NLRC4: variants seen among roughly 807,000 people sequenced by gnomAD.
The protein encoded by NLRC4 is NLR family CARD domain-containing protein 4.
NLRC4 carries 63 observed loss-of-function variants against 79.9 expected under a neutral mutation model. That is an observed-to-expected ratio of 0.79 (90% CI 0.64 to 0.97). The LOEUF is 0.97. Ranked by LOEUF, NLRC4 falls within the 50% of genes least tolerant of loss-of-function variation. The probability of loss-of-function intolerance (pLI) is 0.00; values close to 1 mark genes in which losing one functional copy is unlikely to be tolerated. For synonymous variants in NLRC4, 461 were observed against 456.5 expected (o/e 1.01, Z -0.12); for missense variants, 1,074 against 1,215.2 (o/e 0.88, Z 1.73).
At chr2:32,263,483 A>G (rs774221245) in intron 1 of NLRC4, among the ~76,000 whole-genome samples, 2 of 152,214 alleles carry the variant, frequency 1.3e-5, no homozygotes, top group Non-Finnish European at 2.9e-5. Flanking sequence ...ACATGTTAAT[A>G]TTAGTGTTAT....
Position 32,250,222 on chromosome 2 carries a change from C to T in NLRC4, c.1642G>A (p.Ala548Thr). The T allele has an allele frequency of 6.2e-7, 1 of 1,614,144 alleles. No homozygotes were observed. The highest frequency in any genetic ancestry group is 8.5e-7 in the Non-Finnish European group (1 of 1,180,036). The change falls in exon 4 of 9, where the codon GCC (alanine) becomes ACC (threonine). Residue 548 changes from alanine (A) to threonine (T), a missense_variant. Physicochemically the swap from Ala to Thr is moderately conservative, Grantham distance 58. Transcript: ENST00000402280. This position sits in a 1 kb window ranked among gnomAD's most constrained non-coding sequence, Gnocchi z 4.9. ...KNTTEQEILKAININSFVECG... is the reference protein window; with the variant it reads ...KNTTEQEILKTININSFVECG... ...TCTACAAAGGAATTGATGTTTATGG[C>T]TTTCAGAATTTCTTGCTCAGTGGTG...
At chr2:32,225,001 G>A (rs370249564) in intron 8 of NLRC4, among the ~76,000 whole-genome samples, 32 of 152,188 alleles carry the variant, frequency 2.1e-4, no homozygotes, top group East Asian at 1.4e-3. Context: ...ATAGTGATTC[G>A]TAGTGAGGTA....
rs774262869 is a variant in NLRC4, at chr2:32,250,464, A to G, written c.1400T>C (p.Val467Ala). ...CTGCAAGTAACCATTCCCCTTGGTC[A>G]CCTCCTCTGGCTCATGAGACGTCAA... ...SLLTSHEPEE[V>A]TKGNGYLQKM... Residue 467 changes from valine (V) to alanine (A), a missense_variant, in exon 4 of 9, where the codon GTG (valine) becomes GCG (alanine). Coordinates refer to ENST00000402280, the MANE Select transcript of NLRC4 (RefSeq NM_001199138.2). This position sits in a 1 kb window ranked among gnomAD's most constrained non-coding sequence, Gnocchi z 4.9. 5.6e-6 allele frequency: 9 copies of G among 1,613,914 alleles called. No homozygotes were observed. The highest frequency in any genetic ancestry group is 6.8e-6 in the Non-Finnish European group (8 of 1,180,002).
intron 4 of NLRC4, among the ~76,000 whole-genome samples, chr2:32,248,611 G>A (rs1686993515): frequency 6.6e-6 from 1 of 152,086 alleles, no homozygotes. Context: ...CTTGATCCCA[G>A]GAGTTCAAGA....
Position 32,250,757 on chromosome 2 carries a change from CAGAT to C in NLRC4, c.1103_1106del (p.Asp368GlyfsTer2). 1 of 1,614,190 alleles carries C rather than the reference CAGAT, an allele frequency of 6.2e-7. No individual in the cohort carries two copies. Among genetic ancestry groups the C allele is most frequent in the Non-Finnish European group, 8.5e-7 (1 of 1,180,022 alleles). On this transcript the variant is annotated frameshift_variant, in exon 4 of 9. Transcript: ENST00000402280. LOFTEE classifies it high-confidence loss of function. The surrounding 1 kb of genome is among the most constrained non-coding windows in gnomAD (Gnocchi z 4.9). Reference sequence around the variant, plus strand: ...GTTTGTGTTTGTTTTTCTGTATCAACAGATCATAGAAGGTATGGAACAGCGTTGT... The same window carrying C: ...GTTTGTGTTTGTTTTTCTGTATCAACCATAGAAGGTATGGAACAGCGTTGT...
At chr2:32,257,915 G>C (rs1210895247) in intron 1 of NLRC4, among the ~76,000 whole-genome samples, 1 of 152,110 alleles carries the variant, frequency 6.6e-6, no homozygotes, top group African/African-American at 2.4e-5. Context: ...GTGTGTTACA[G>C]GGTGCTCTTT....
intron 4 of NLRC4, among the ~76,000 whole-genome samples, 165 bp from the exon 5 acceptor site, chr2:32,241,290 G>A (rs544274499): frequency 4.6e-5 from 7 of 151,210 alleles, no homozygotes; most frequent in Non-Finnish European, 1.0e-4. Context: ...TAAGAGATGG[G>A]CATTATACTT....
Position 32,250,154 on chromosome 2 carries a change from G to A in NLRC4, c.1710C>T (p.Ala570=). ...HLYQESTSKS[A]LSQEFEAFFQ... is the part of the protein sequence containing the mutation. The stretch of plus-strand genomic sequence containing the variant: ...AGAAAGCTTCAAATTCTTGGCTCAG[G>A]GCTGATTTGGATGTACTCTCTTGAT... Residue 570 remains alanine (A), a synonymous_variant, in exon 4 of 9, where the codon GCC becomes GCT. Transcript: ENST00000402280. This position sits in a 1 kb window ranked among gnomAD's most constrained non-coding sequence, Gnocchi z 4.9. 1 of 1,614,174 alleles carries A rather than the reference G, an allele frequency of 6.2e-7. No homozygotes were observed. Among genetic ancestry groups the A allele is most frequent in the South Asian group, 1.1e-5 (1 of 91,078 alleles).
intron 4 of NLRC4, among the ~76,000 whole-genome samples, chr2:32,244,368 C>CA (rs568577246): frequency 0.013 from 1,844 of 143,276 alleles, 20 homozygotes; most frequent in South Asian, 0.021. Flanking sequence ...TATTCATGAC[C>CA]AAAAAAAAAA....
Position 32,251,081 on chromosome 2 carries a change from G to A in NLRC4, c.783C>T (p.Ile261=), listed in dbSNP as rs766325446. 2 of 1,614,100 alleles carry A rather than the reference G, an allele frequency of 1.2e-6. No individual in the cohort carries two copies. Among genetic ancestry groups the A allele is most frequent in the Non-Finnish European group, 1.7e-6 (2 of 1,180,030 alleles). Residue 261 remains isoleucine (I), a synonymous_variant, in exon 4 of 9, where the codon ATC becomes ATT. Transcript: ENST00000402280. ...GGTGGTTTTCCTTTATCAGGGCTTC[G>A]ATTTCTGGGCAGTTCTGGGGCTTGA... is the stretch of plus-strand genomic sequence containing the variant. ...NEFKPQNCPE[I]EALIKENHRF...
At chr2:32,254,487 T>G (rs533775260) in intron 2 of NLRC4, among the ~76,000 whole-genome samples, 1 of 151,972 alleles carries the variant, frequency 6.6e-6, no homozygotes. Context: ...TTCTGAAACG[T>G]AGACCACACC....
chr2:32,261,316 C>CCCCTTTTTTTTTTTTTTTTTT lies in NLRC4; in HGVS notation c.-119+3421_-119+3422insAAAAAAAAAAAAAAAAAAGGG. ...TTCTTTCGCCTATTAAGCCTCCCCC[C>CCCCTTTTTTTTTTTTTTTTTT]TTTTGTTTTTTTTTGAGATGGAGCC... On this transcript the variant is annotated intron_variant, in intron 1 of 8. Transcript: ENST00000402280. Among the ~76,000 whole-genome samples the CCCCTTTTTTTTTTTTTTTTTT allele has an allele frequency of 1.9e-4, 18 of 96,878 alleles. 1 individual carries two copies. The highest frequency in any genetic ancestry group is 3.1e-4 in the South Asian group (1 of 3,204). 63.6% of individuals were successfully genotyped at this position (96,878 alleles called of 152,430 possible).
chr2:32,255,434 C>G (rs1181796639), intron 2 of NLRC4, among the ~76,000 whole-genome samples: 2 of 150,600 alleles, frequency 1.3e-5, no homozygotes, highest in Non-Finnish European at 2.9e-5. Flanking sequence ...GCAGGCGAAT[C>G]ACTTGAACCT....
intron 1 of NLRC4, among the ~76,000 whole-genome samples, chr2:32,261,888 C>T (rs575023463): frequency 5.3e-5 from 8 of 151,710 alleles, no homozygotes; most frequent in African/African-American, 1.9e-4. Flanking sequence ...CGAGACCATC[C>T]TGGCCAACAT....
At chr2:32,261,246 G>GTTCCCCTCTC (rs1341606599) in intron 1 of NLRC4, among the ~76,000 whole-genome samples, 1 of 148,562 alleles carries the variant, frequency 6.7e-6, no homozygotes, top group African/African-American at 2.5e-5. Context: ...ACTCACTCAG[G>GTTCCCCTCTC]TTCCCCTCTC....
chr2:32,252,615 T>G lies in NLRC4; in HGVS notation c.66A>C (p.Gln22His). The G allele has an allele frequency of 6.2e-7, 1 of 1,613,988 alleles. No individual in the cohort carries two copies. The highest frequency in any genetic ancestry group is 8.5e-7 in the Non-Finnish European group (1 of 1,179,804). Residue 22 changes from glutamine (Q) to histidine (H), a missense_variant, in exon 3 of 9, where the codon CAA (glutamine) becomes CAC (histidine). Coordinates refer to ENST00000402280, the MANE Select transcript of NLRC4 (RefSeq NM_001199138.2). ...TCCATACAAATAGGTCATCTGTGATTTGCTTTATAACAGTCATTCCCATTC... is the reference window on the plus strand; with the variant it reads ...TCCATACAAATAGGTCATCTGTGATGTGCTTTATAACAGTCATTCCCATTC... Reference protein sequence around the residue: ...IQRMGMTVIKQITDDLFVWNV... With the variant: ...IQRMGMTVIKHITDDLFVWNV...
chr2:32,245,310 CAAAAAAAA>C (rs58301612), intron 4 of NLRC4, among the ~76,000 whole-genome samples: 1 of 77,958 alleles, frequency 1.3e-5, no homozygotes, highest in African/African-American at 5.3e-5. Flanking sequence ...GACTCCTTCT[CAAAAAAAA>C]AAAAAAAAAA....
chr2:32,248,796 C>T (rs1686998607), intron 4 of NLRC4, among the ~76,000 whole-genome samples: 1 of 152,016 alleles, frequency 6.6e-6, no homozygotes, highest in Non-Finnish European at 1.5e-5. Flanking sequence ...AAAGAATAAA[C>T]TCTGTCGTAA....
chr2:32,249,919 C>G lies in NLRC4; in HGVS notation c.1945G>C (p.Val649Leu). 6.2e-7 allele frequency: 1 copy of G among 1,614,210 alleles called. No homozygotes were observed. The highest frequency in any genetic ancestry group is 1.1e-5 in the South Asian group (1 of 91,080). ...TGCTTCCAGTTGAAGAACAAAGATA[C>G]AGCCCTGCTGGGAATGTAGGTTTCT... is the stretch of plus-strand genomic sequence containing the variant. ...APETYIPSRAVSLFFNWKQEF... is the reference protein window; with the variant it reads ...APETYIPSRALSLFFNWKQEF... Residue 649 changes from valine (V) to leucine (L), a missense_variant, in exon 4 of 9, where the codon GTA (valine) becomes CTA (leucine). By Grantham distance (32) the Val-to-Leu change is conservative. Coordinates refer to ENST00000402280, the MANE Select transcript of NLRC4 (RefSeq NM_001199138.2).
Sources: gnomAD v4.1 joint callset for allele counts (sites outside exome capture counted in the v4.1 genomes callset) on GRCh38, gnomAD v4.1.1 for gene constraint, Gnocchi (gnomAD v3.1) non-coding constraint, MANE v1.5 for transcripts, NCBI Gene and HGNC (gene_info 2026-07-23, HGNC 2026-07-21) for gene names.